The following NAV3 variants were observed in gnomAD, a reference collection of about 807,000 sequenced individuals.
NAV3 encodes pore membrane and/or filament interacting like protein 1.
In NAV3, 87 loss-of-function variants were observed where a neutral mutation model predicts 244.7. The observed-to-expected ratio is 0.36, with a 90% CI of 0.30 to 0.42. The LOEUF (loss-of-function observed/expected upper bound fraction) is 0.42, where lower values mean the gene tolerates loss of function less well. Ranked by LOEUF, NAV3 falls within the 20% of genes least tolerant of loss-of-function variation. The pLI, the probability that NAV3 is intolerant of heterozygous loss-of-function variation, is 1.00. For synonymous variants in NAV3, 1,126 were observed against 1,042.2 expected (o/e 1.08, Z -1.55); for missense variants, 2,663 against 2,893.3 (o/e 0.92, Z 1.83).
At chr12:77,601,152 C>T (rs1174974025) in intron 2 of NAV3, among the ~76,000 whole-genome samples, 1 of 151,858 alleles carries the variant, frequency 6.6e-6, no homozygotes. Context: ...CACAAATACC[C>T]TCTGATGTAG....
intron 2 of NAV3, among the ~76,000 whole-genome samples, chr12:77,683,107 T>G (rs547069902): frequency 6.6e-6 from 1 of 152,242 alleles, no homozygotes; most frequent in East Asian, 1.9e-4. Context: ...TCATAGAGCT[T>G]TTCTTCTATG....
chr12:77,869,645 C>G (rs1880638190), intron 1 of NAV3, among the ~76,000 whole-genome samples: 1 of 152,190 alleles, frequency 6.6e-6, no homozygotes, highest in Non-Finnish European at 1.5e-5. Context: ...GGCCAGCTTC[C>G]ATGACTCCTT....
At position 77,769,933 on chromosome 12, in the gene NAV3, A is replaced by AT. The variant is rs900890501; in HGVS notation, c.73-170378dup. On this transcript the variant is annotated intron_variant, in intron 2 of 8. Transcript: ENST00000550042. Reference sequence around the variant, plus strand: ...GAATGTTTGACCAGGTAACTAGGATATTTTTTTTCTTTTTCAAATACACAA... The same window carrying AT: ...GAATGTTTGACCAGGTAACTAGGATATTTTTTTTTCTTTTTCAAATACACAA... Among the ~76,000 whole-genome samples, 7 of 152,012 alleles carry AT rather than the reference A, an allele frequency of 4.6e-5. No individual in the cohort carries two copies. The East Asian group carries it at 7.7e-4, about 17-fold the overall frequency.
chr12:77,839,279 T>G (rs1459425298), intron 1 of NAV3, among the ~76,000 whole-genome samples: 1 of 152,210 alleles, frequency 6.6e-6, no homozygotes, highest in African/African-American at 2.4e-5. Flanking sequence ...TTTACTAACT[T>G]AAATCATAGT....
chr12:78,197,901 T>C (rs1361030766), intron 35 of NAV3, among the ~76,000 whole-genome samples: 1 of 151,866 alleles, frequency 6.6e-6, no homozygotes. Context: ...GGTTTCATTC[T>C]CAGTTCATAT....
At chr12:77,680,007 AAG>A (rs1215804983) in intron 2 of NAV3, among the ~76,000 whole-genome samples, 1 of 152,126 alleles carries the variant, frequency 6.6e-6, no homozygotes, top group African/African-American at 2.4e-5. Context: ...TGAGAACGAA[AAG>A]AGAGGATTTA....
At chr12:77,792,142 A>C (rs1871205100) in intron 2 of NAV3, among the ~76,000 whole-genome samples, 1 of 152,140 alleles carries the variant, frequency 6.6e-6, no homozygotes, top group African/African-American at 2.4e-5. Flanking sequence ...CAATTCCTCC[A>C]AACTGTCTTT....
At chr12:77,797,205 A>G (rs1453897767) in intron 2 of NAV3, among the ~76,000 whole-genome samples, 1 of 152,196 alleles carries the variant, frequency 6.6e-6, no homozygotes, top group Non-Finnish European at 1.5e-5. Flanking sequence ...GTCACTGAAT[A>G]TGCATTATTG....
intron 8 of NAV3, among the ~76,000 whole-genome samples, chr12:78,015,426 CATTTTACATA>C (rs1876027042): frequency 6.6e-6 from 1 of 152,032 alleles, no homozygotes; most frequent in African/African-American, 2.4e-5. Flanking sequence ...GATGGCTAGG[CATTTTACATA>C]ATGTTTCTAA....
At chr12:77,946,183 C>T (rs1890330177) in intron 3 of NAV3, among the ~76,000 whole-genome samples, 1 of 148,250 alleles carries the variant, frequency 6.7e-6, no homozygotes. Flanking sequence ...CACTATGACT[C>T]AAAGGAGTGG....
chr12:78,073,429 C>A (rs1952883260), intron 12 of NAV3, among the ~76,000 whole-genome samples: 1 of 151,622 alleles, frequency 6.6e-6, no homozygotes, highest in African/African-American at 2.4e-5. Context: ...AGTGAACTCC[C>A]ATTCACAATT....
At chr12:78,153,478 G>T (rs1392133375) in intron 22 of NAV3, among the ~76,000 whole-genome samples, 2 of 152,052 alleles carry the variant, frequency 1.3e-5, no homozygotes, top group Non-Finnish European at 2.9e-5. Flanking sequence ...GAAAACAGAA[G>T]CCGCACAAGG....
chr12:77,702,413 C>T (rs562449393), intron 2 of NAV3, among the ~76,000 whole-genome samples: 9 of 151,808 alleles, frequency 5.9e-5, no homozygotes, highest in South Asian at 2.1e-4. Context: ...CAATTTCTGC[C>T]GTTTTATTTG....
chr12:77,815,728 G>A (rs891579386), intron 2 of NAV3, among the ~76,000 whole-genome samples: 1 of 151,636 alleles, frequency 6.6e-6, no homozygotes, highest in Non-Finnish European at 1.5e-5. Context: ...TTTTTTTCCC[G>A]ACATCGCATC....
At chr12:77,971,078 T>C (rs1892959567) in intron 5 of NAV3, among the ~76,000 whole-genome samples, 1 of 152,100 alleles carries the variant, frequency 6.6e-6, no homozygotes, top group Admixed American at 6.6e-5. Flanking sequence ...TATTTTCCTA[T>C]TCTTCTTGCT....
intron 2 of NAV3, among the ~76,000 whole-genome samples, chr12:77,809,726 A>G (rs1417938016): frequency 1.3e-5 from 2 of 152,214 alleles, no homozygotes; most frequent in African/African-American, 4.8e-5. Flanking sequence ...AAAATAAAAC[A>G]TACGTCATTG....
At chr12:77,926,029 A>T (rs1348493700) in intron 1 of NAV3, among the ~76,000 whole-genome samples, 1 of 152,192 alleles carries the variant, frequency 6.6e-6, no homozygotes, top group Non-Finnish European at 1.5e-5. Context: ...AAAGTTGCTT[A>T]CTTTTTCCTG....
At position 77,572,684 on chromosome 12, in the gene NAV3, T is replaced by A. The variant is rs146381634; in HGVS notation, c.72+418T>A. On this transcript the variant is annotated intron_variant, in intron 2 of 8. Transcript: ENST00000550042. ...ATAAGTGGCATTTTAAATTCTCTAA[T>A]TTCATATCCTTGGGACACATCAACT... Among the ~76,000 whole-genome samples, 334 of 152,320 alleles carry A rather than the reference T, an allele frequency of 2.2e-3. 2 individuals are homozygous for A. The highest frequency in any genetic ancestry group is 7.7e-3 in the African/African-American group (321 of 41,566).
chr12:77,943,847 A>G (rs1721028566), intron 3 of NAV3, among the ~76,000 whole-genome samples: 1 of 152,142 alleles, frequency 6.6e-6, no homozygotes, highest in Non-Finnish European at 1.5e-5. Flanking sequence ...TTAATCACGA[A>G]TTGTTTTTAT....
Sources: gnomAD v4.1 joint callset for allele counts (sites outside exome capture counted in the v4.1 genomes callset) on GRCh38, gnomAD v4.1.1 for gene constraint, MANE v1.5 for transcripts, NCBI Gene and HGNC (gene_info 2026-07-23, HGNC 2026-07-21) for gene names.